ATXN2: variants seen among roughly 807,000 people sequenced by gnomAD.
ATXN2 encodes ataxin 2.
In ATXN2, 37 loss-of-function variants were observed where a neutral mutation model predicts 138.6. The observed-to-expected ratio is 0.27, with a 90% confidence interval of 0.21 to 0.35. The LOEUF (loss-of-function observed/expected upper bound fraction) is 0.35. Ranked by LOEUF, ATXN2 falls within the 10% of genes least tolerant of loss-of-function variation. The pLI is 1.00. For synonymous variants in ATXN2, 549 were observed against 543.7 expected, an observed-to-expected ratio of 1.01 and a Z score of -0.13; for missense variants, 1,216 against 1,480.3, an observed-to-expected ratio of 0.82 and a Z score of 2.93.
chr12:111,566,406 C>T (rs1224712940), intron 1 of ATXN2, among the ~76,000 whole-genome samples: 7 of 149,260 alleles, frequency 4.7e-5, no homozygotes, highest in African/African-American at 1.7e-4. Flanking sequence ...TGCACTCCAG[C>T]CTGGGTGACA....
At position 111,599,112 on chromosome 12, in the gene ATXN2, G is replaced by T. The variant is rs1023723330; in HGVS notation, c.-78C>A. The T allele has an allele frequency of 2.4e-6, 3 of 1,271,122 alleles. No individual in the cohort carries two copies. Among genetic ancestry groups the T allele is most frequent in the African/African-American group, 3.1e-5 (2 of 63,612 alleles). 78.7% of individuals were successfully genotyped at this position (1,271,122 alleles called of 1,614,324 possible). ...GGGCGCGCCAAGGAGACGCCGGAACGCGGCGGGGACGCGCGGGCGCCGAGC... is the reference window on the plus strand; with the variant it reads ...GGGCGCGCCAAGGAGACGCCGGAACTCGGCGGGGACGCGCGGGCGCCGAGC... On this transcript the variant is annotated 5_prime_UTR_variant, in exon 1 of 25. Transcript: ENST00000673436.
chr12:111,510,111 A>G (rs1173667235), intron 12 of ATXN2, 113 bp from the exon 13 acceptor site: 19 of 833,142 alleles, frequency 2.3e-5, no homozygotes, highest in Non-Finnish European at 2.9e-5. Flanking sequence ...TTTCATTTAA[A>G]CAGAGGCTTT....
At chr12:111,485,199 T>C in intron 18 of ATXN2, 66 bp downstream of exon 18, 1 of 1,451,516 alleles carries the variant, frequency 6.9e-7, no homozygotes. Context: ...TTATTCATTA[T>C]AAACTTAGTT....
intron 18 of ATXN2, chr12:111,471,508 G>A (rs1396534232): frequency 6.6e-6 from 1 of 152,132 alleles, no homozygotes; most frequent in Admixed American, 6.5e-5. Flanking sequence ...CATTAACCAA[G>A]CCACTTCAGG....
chr12:111,513,453 C>G lies in ATXN2; in HGVS notation c.1462G>C (p.Glu488Gln). ...CTGGGTGGGTTGTGGGATACAAATT[C>G]TAGGCCACTGGATATGGAACCCCTC... The part of the protein sequence containing the change: ...AGRGSISSGL[E>Q]FVSHNPPSEA... Residue 488 changes from glutamate (E) to glutamine (Q), a missense_variant, in exon 11 of 25, where the codon GAA becomes CAA. Glu to Gln is a conservative substitution (Grantham distance 29). Around this residue, in one of 4 missense-constraint regions of ATXN2, gnomAD observed 215 missense variants for 210.0 expected, o/e 1.02. Coordinates refer to ENST00000673436, the MANE Select transcript of ATXN2 (RefSeq NM_001372574.1). The G allele has an allele frequency of 6.2e-7, 1 of 1,614,050 alleles. No individual in the cohort carries two copies. Among genetic ancestry groups the G allele is most frequent in the Non-Finnish European group, 8.5e-7 (1 of 1,180,000 alleles).
intron 5 of ATXN2, among the ~76,000 whole-genome samples, chr12:111,551,576 G>A (rs1055293241): frequency 1.3e-5 from 2 of 151,920 alleles, no homozygotes; most frequent in African/African-American, 4.8e-5. Flanking sequence ...TCTACCAACC[G>A]TTCTCTACCT....
chr12:111,529,206 A>T (rs1233403243), intron 5 of ATXN2, among the ~76,000 whole-genome samples: 1 of 152,230 alleles, frequency 6.6e-6, no homozygotes, highest in African/African-American at 2.4e-5. Context: ...AGAAAAAAAC[A>T]ACTGGCTCTA....
intron 13 of ATXN2, 82 bp downstream of exon 13, chr12:111,509,809 A>C: frequency 2.5e-6 from 3 of 1,176,682 alleles, no homozygotes; most frequent in Non-Finnish European, 3.7e-6. Context: ...AATGTTGAAC[A>C]AAAATATTCT....
Position 111,490,402 on chromosome 12 carries a change from C to T in ATXN2, c.1936-1622G>A, listed in dbSNP as rs545793792. Among the ~76,000 whole-genome samples the T allele has an allele frequency of 2.8e-3, 421 of 152,032 alleles. 4 individuals are homozygous for T. The highest frequency in any genetic ancestry group is 9.6e-3 in the African/African-American group (398 of 41,458). On this transcript the variant is annotated intron_variant, in intron 14 of 24. Coordinates refer to ENST00000673436, the MANE Select transcript of ATXN2 (RefSeq NM_001372574.1). ...GGAGGCTAATTAGGATGTGGAGGGACCGTCATGGAGGCTGGACTAAGCGCT... is the reference window on the plus strand; with the variant it reads ...GGAGGCTAATTAGGATGTGGAGGGATCGTCATGGAGGCTGGACTAAGCGCT...
intron 1 of ATXN2, among the ~76,000 whole-genome samples, chr12:111,588,967 C>A (rs966257317): frequency 2.6e-5 from 3 of 113,686 alleles, no homozygotes; most frequent in African/African-American, 9.4e-5. Context: ...CGCACTCTAG[C>A]CTGGGCGACA....
At chr12:111,542,548 CCTTG>C (rs1881577733) in intron 5 of ATXN2, among the ~76,000 whole-genome samples, 2 of 152,186 alleles carry the variant, frequency 1.3e-5, no homozygotes, top group African/African-American at 4.8e-5. Flanking sequence ...CTCACTGCAG[CCTTG>C]ACTTACTGGC....
chr12:111,494,755 A>C (rs1878301987), intron 14 of ATXN2, among the ~76,000 whole-genome samples: 3 of 152,106 alleles, frequency 2.0e-5, no homozygotes, highest in Non-Finnish European at 2.9e-5. Context: ...AAACACCTAC[A>C]ACAGATACAC....
chr12:111,477,352 T>C (rs201804895), intron 18 of ATXN2, among the ~76,000 whole-genome samples: 1 of 151,836 alleles, frequency 6.6e-6, no homozygotes, highest in Non-Finnish European at 1.5e-5. Flanking sequence ...AGACTCTTGT[T>C]TCAAGAACAG....
rs1380791606 is a variant in ATXN2, at chr12:111,599,298, C to T, written c.-264G>A. 4 of 896,028 alleles carry T rather than the reference C, an allele frequency of 4.5e-6. No individual in the cohort carries two copies. Among genetic ancestry groups the T allele is most frequent in the South Asian group, 5.4e-5 (1 of 18,676 alleles). The allele number at this position is 896,028 out of a possible 1,614,324, so 55.5% of individuals were successfully genotyped here. A position where few individuals can be genotyped will look rare whatever the true frequency, so the allele number is the denominator to read the frequency against. ...CCGTTGCTACCAAAACAGTCTGAGG[C>T]GGAGGGAGGCGAGCTCTGCCGGGAG... On this transcript the variant is annotated 5_prime_UTR_variant, in exon 1 of 25. Coordinates refer to ENST00000673436, the MANE Select transcript of ATXN2 (RefSeq NM_001372574.1).
chr12:111,566,437 TC>T (rs1883010860), intron 1 of ATXN2, among the ~76,000 whole-genome samples: 4 of 110,958 alleles, frequency 3.6e-5, no homozygotes, highest in Non-Finnish European at 6.8e-5. Flanking sequence ...AAACTCCATC[TC>T]AAAAAAAAAG....
chr12:111,553,141 C>T (rs1003305532), intron 3 of ATXN2, among the ~76,000 whole-genome samples, 164 bp from the exon 4 acceptor site: 2 of 152,152 alleles, frequency 1.3e-5, no homozygotes, highest in Admixed American at 1.3e-4. Context: ...ACACTGAACT[C>T]TTGAAATTCT....
In ATXN2 at chr12:111,452,692, G is replaced by A. The variant is rs777032616; in HGVS notation, c.*120C>T. Reference sequence around the variant, plus strand: ...TTAGCATTCCTATTGGATGTTACAAGAAATCAACATATATATTTTAAAAAC... The same window carrying A: ...TTAGCATTCCTATTGGATGTTACAAAAAATCAACATATATATTTTAAAAAC... On this transcript the variant is annotated 3_prime_UTR_variant, in exon 25 of 25. Coordinates refer to ENST00000673436, the MANE Select transcript of ATXN2 (RefSeq NM_001372574.1). The A allele has an allele frequency of 8.5e-7, 1 of 1,172,168 alleles. No individual in the cohort carries two copies. Among genetic ancestry groups the A allele is most frequent in the Non-Finnish European group, 1.3e-6 (1 of 788,618 alleles). 72.6% of individuals were successfully genotyped at this position (1,172,168 alleles called of 1,614,324 possible).
chr12:111,454,997 G>A (rs1238737268), intron 23 of ATXN2: 4 of 702,160 alleles, frequency 5.7e-6, no homozygotes, highest in Non-Finnish European at 1.0e-5. Flanking sequence ...CCTAAACTTT[G>A]CAGGGTGAGG....
chr12:111,583,283 G>A (rs1022718662), intron 1 of ATXN2, among the ~76,000 whole-genome samples: 2 of 152,082 alleles, frequency 1.3e-5, no homozygotes, highest in African/African-American at 2.4e-5. Flanking sequence ...GAGCCACCGC[G>A]CCCAGCCAAG....
Sources: allele counts gnomAD v4.1 joint callset (sites outside exome capture counted in the v4.1 genomes callset), GRCh38; gene constraint gnomAD v4.1.1; regional missense constraint gnomAD v4.1.1; transcripts MANE v1.5; gene names NCBI Gene and HGNC (gene_info 2026-07-23, HGNC 2026-07-21).